The following SLC24A3 variants were observed in gnomAD, a reference collection of about 807,000 sequenced individuals.
SLC24A3 encodes the protein sodium/potassium/calcium exchanger 3.
SLC24A3 carries 28 observed loss-of-function variants against 75.8 expected under a neutral mutation model. The observed-to-expected ratio is 0.37, with a 90% CI of 0.27 to 0.51. The LOEUF (loss-of-function observed/expected upper bound fraction) is 0.51. Ranked by LOEUF, SLC24A3 falls within the 20% of genes least tolerant of loss-of-function variation. The pLI is 0.94. For synonymous variants in SLC24A3, 372 were observed against 334.1 expected (o/e 1.11, Z -1.24); for missense variants, 663 against 847.8 (o/e 0.78, Z 2.71).
chr20:19,269,960 C>A (rs930150906), intron 1 of SLC24A3, among the ~76,000 whole-genome samples: 5 of 152,190 alleles, frequency 3.3e-5, no homozygotes, highest in Admixed American at 6.5e-5. Flanking sequence ...TGGACAGAAC[C>A]CACTACCGGT....
At chr20:19,669,645 C>T (rs144369758) in intron 8 of SLC24A3, among the ~76,000 whole-genome samples, 12 of 152,204 alleles carry the variant, frequency 7.9e-5, no homozygotes, top group African/African-American at 2.2e-4. Context: ...AACTAAAGAA[C>T]GCAGGGCGAT....
intron 2 of SLC24A3, among the ~76,000 whole-genome samples, chr20:19,444,877 T>C (rs1335353654): frequency 2.0e-5 from 3 of 152,092 alleles, no homozygotes; most frequent in African/African-American, 7.2e-5. Flanking sequence ...CTTTTTGTTG[T>C]TGTTGTTGTT....
intron 14 of SLC24A3, 51 bp downstream of exon 14, chr20:19,696,962 G>T: frequency 4.4e-6 from 3 of 681,148 alleles, no homozygotes; most frequent in East Asian, 3.4e-5. Context: ...AGGAGGAGAG[G>T]GAGGGAAGAA....
intron 2 of SLC24A3, among the ~76,000 whole-genome samples, chr20:19,291,543 C>T (rs2122235906): frequency 6.6e-6 from 1 of 152,348 alleles, no homozygotes; most frequent in African/African-American, 2.4e-5. Flanking sequence ...CATGTCTAGG[C>T]TATCCTACGG....
intron 2 of SLC24A3, among the ~76,000 whole-genome samples, chr20:19,405,116 C>A (rs1246234733): frequency 6.6e-6 from 1 of 152,030 alleles, no homozygotes; most frequent in Non-Finnish European, 1.5e-5. Context: ...TTTTCAGCTG[C>A]CCCCGCCCCA....
At chr20:19,597,250 G>C (rs1222623787) in intron 6 of SLC24A3, among the ~76,000 whole-genome samples, 1 of 151,968 alleles carries the variant, frequency 6.6e-6, no homozygotes, top group Non-Finnish European at 1.5e-5. Context: ...AGCCAGGTGT[G>C]GTAGTTCACA....
intron 8 of SLC24A3, among the ~76,000 whole-genome samples, chr20:19,666,738 C>T (rs2032403964): frequency 6.6e-6 from 1 of 152,080 alleles, no homozygotes; most frequent in Non-Finnish European, 1.5e-5. Context: ...AATCCTAGCA[C>T]TTTGGGAGGC....
intron 2 of SLC24A3, among the ~76,000 whole-genome samples, chr20:19,396,835 T>C (rs1037446155): frequency 6.6e-5 from 10 of 152,208 alleles, no homozygotes; most frequent in African/African-American, 2.4e-4. Context: ...AAAAAAAATG[T>C]GTCAAAGCAT....
chr20:19,216,629 AAAAG>A (rs1375385995), intron 1 of SLC24A3, among the ~76,000 whole-genome samples: 6 of 152,242 alleles, frequency 3.9e-5, no homozygotes, highest in Non-Finnish European at 7.4e-5. Context: ...AAAAAGGAAA[AAAAG>A]AAAAAAATTA....
At chr20:19,544,459 C>T (rs1309781496) in intron 3 of SLC24A3, among the ~76,000 whole-genome samples, 2 of 152,056 alleles carry the variant, frequency 1.3e-5, no homozygotes, top group Non-Finnish European at 2.9e-5. Flanking sequence ...ACAAAATAAG[C>T]ATAAAAGTAA....
chr20:19,488,307 AG>A (rs1318425600), intron 2 of SLC24A3, among the ~76,000 whole-genome samples: 1 of 152,216 alleles, frequency 6.6e-6, no homozygotes, highest in Non-Finnish European at 1.5e-5. Flanking sequence ...TGCGCACATC[AG>A]GATTGCACCT....
intron 1 of SLC24A3, among the ~76,000 whole-genome samples, chr20:19,222,716 ATCCT>A (rs138059938): frequency 5.6e-4 from 84 of 150,914 alleles, no homozygotes; most frequent in Middle Eastern, 6.9e-3. Flanking sequence ...AAATTATTTA[ATCCT>A]TCCTTCCTTC....
rs568884739 is a variant in SLC24A3, at chr20:19,566,123, C to G, written c.349-13877C>G. Among the ~76,000 whole-genome samples, 5 of 152,240 alleles carry G rather than the reference C, an allele frequency of 3.3e-5. No homozygotes were observed. The East Asian group carries it at 9.7e-4, about 29-fold the overall frequency. On this transcript the variant is annotated intron_variant, in intron 3 of 16. Transcript: ENST00000328041. Reference sequence around the variant, plus strand: ...GGATACAAAAGTAAACTAAACTGTCCCAAGATCATTCAAGCAACAACCGGG... The same window carrying G: ...GGATACAAAAGTAAACTAAACTGTCGCAAGATCATTCAAGCAACAACCGGG...
intron 2 of SLC24A3, among the ~76,000 whole-genome samples, chr20:19,464,357 T>A (rs1157292904): frequency 6.6e-6 from 1 of 151,884 alleles, no homozygotes; most frequent in East Asian, 1.9e-4. Flanking sequence ...TATTAATGCA[T>A]TCATACCACA....
At chr20:19,553,735 G>T (rs2030739652) in intron 3 of SLC24A3, among the ~76,000 whole-genome samples, 1 of 152,176 alleles carries the variant, frequency 6.6e-6, no homozygotes, top group African/African-American at 2.4e-5. Flanking sequence ...TCCAAAGACT[G>T]AGGAGCAAGA....
At chr20:19,560,563 G>C (rs548161817) in intron 3 of SLC24A3, among the ~76,000 whole-genome samples, 1 of 152,328 alleles carries the variant, frequency 6.6e-6, no homozygotes, top group East Asian at 1.9e-4. Context: ...TCTGCTCCCT[G>C]TACCAGACAC....
rs148872217 is a variant in SLC24A3 at position 19,269,044 on chromosome 20, G to C, written c.143-11915G>C. 2.1e-3 allele frequency among the ~76,000 whole-genome samples: 315 copies of C among 152,306 alleles called. 9 individuals are homozygous for C. The South Asian group carries it at 0.061, about 30-fold the overall frequency. ...GCCTTGGTTCTTGGCCTTGGAATAG[G>C]GGACTCAGATTATGGGATAAGGCCA... is the stretch of plus-strand genomic sequence containing the variant. On this transcript the variant is annotated intron_variant, in intron 1 of 16. Transcript: ENST00000328041.
chr20:19,379,849 T>A (rs1986151845), intron 2 of SLC24A3, among the ~76,000 whole-genome samples: 1 of 152,206 alleles, frequency 6.6e-6, no homozygotes, highest in African/African-American at 2.4e-5. Context: ...TCATCAAATG[T>A]AAAGTATTTG....
chr20:19,543,684 A>AG (rs2030539579), intron 3 of SLC24A3, among the ~76,000 whole-genome samples: 1 of 152,214 alleles, frequency 6.6e-6, no homozygotes, highest in Non-Finnish European at 1.5e-5. Context: ...CTTGGGCTCT[A>AG]GGATGAAAAC....
Sources: gnomAD v4.1 joint callset for allele counts (sites outside exome capture counted in the v4.1 genomes callset) on GRCh38, gnomAD v4.1.1 for gene constraint, MANE v1.5 for transcripts, NCBI Gene and HGNC (gene_info 2026-07-23, HGNC 2026-07-21) for gene names.